The following ETS1 variants were observed in gnomAD, a reference collection of about 807,000 sequenced individuals.
ETS1 encodes the protein protein C-ets-1.
In ETS1, 15 loss-of-function variants were observed where a neutral mutation model predicts 58.6. That is an observed-to-expected ratio of 0.26 (90% CI 0.17 to 0.39). ETS1 has a LOEUF of 0.39. Among genes scored for constraint, ETS1 ranks in the 10% least tolerant of loss-of-function variants. The probability of loss-of-function intolerance (pLI) is 1.00; values close to 1 mark genes in which losing one functional copy is unlikely to be tolerated. For missense variants in ETS1, 417 were observed against 610.5 expected (o/e 0.68, Z 3.34); for synonymous variants, 214 against 218.2 (o/e 0.98, Z 0.17).
At chr11:128,517,773 G>C (rs1420500603) in intron 3 of ETS1, among the ~76,000 whole-genome samples, 1 of 152,174 alleles carries the variant, frequency 6.6e-6, no homozygotes, top group East Asian at 1.9e-4. Flanking sequence ...AGCCCAGAGA[G>C]ACCTGGGCTC....
At chr11:128,546,047 A>G (rs4129229) in intron 3 of ETS1, among the ~76,000 whole-genome samples, 9 of 152,018 alleles carry the variant, frequency 5.9e-5, no homozygotes, top group Non-Finnish European at 1.0e-4. Flanking sequence ...CCAAAATTCA[A>G]CCAGTGAACA....
At position 128,549,777 on chromosome 11, in the gene ETS1, G is replaced by A. The variant is rs1234035166; in HGVS notation, c.214+6514C>T. ...TCGGGGCTGTTGGGGTCACTCCTGA[G>A]AGCATGGGGTCTCTGGTCTCTAACC... On this transcript the variant is annotated intron_variant, in intron 3 of 9. Transcript: ENST00000392668. This position sits in a 1 kb window ranked among gnomAD's most constrained non-coding sequence, Gnocchi z 4.3. 6.6e-6 allele frequency among the ~76,000 whole-genome samples: 1 copy of A among 152,166 alleles called. No homozygotes were observed. Among genetic ancestry groups the A allele is most frequent in the Non-Finnish European group, 1.5e-5 (1 of 68,044 alleles).
At chr11:128,475,802 C>T (rs199539536) in intron 8 of ETS1, among the ~76,000 whole-genome samples, 17 of 152,220 alleles carry the variant, frequency 1.1e-4, no homozygotes, top group African/African-American at 4.1e-4. Context: ...CTGCCTGCCT[C>T]TGCCTCCCAA....
intron 6 of ETS1, among the ~76,000 whole-genome samples, chr11:128,485,657 C>G (rs1862609384): frequency 6.6e-6 from 1 of 152,176 alleles, no homozygotes; most frequent in African/African-American, 2.4e-5. Flanking sequence ...GCATAGCACA[C>G]TCTTAAAGAA....
At chr11:128,530,955 T>A (rs1211631809) in intron 3 of ETS1, among the ~76,000 whole-genome samples, 1 of 152,184 alleles carries the variant, frequency 6.6e-6, no homozygotes, top group Non-Finnish European at 1.5e-5. Flanking sequence ...CTACAGAGTG[T>A]ATTTGTCTAA....
intron 3 of ETS1, among the ~76,000 whole-genome samples, chr11:128,541,859 T>C (rs1864062657): frequency 3.9e-5 from 6 of 152,160 alleles, no homozygotes; most frequent in Admixed American, 3.9e-4. Flanking sequence ...ATCTCTACAA[T>C]ACAGGTATTC....
chr11:128,566,494 C>G (rs1287992856), intron 2 of ETS1, among the ~76,000 whole-genome samples: 1 of 152,092 alleles, frequency 6.6e-6, no homozygotes, highest in Non-Finnish European at 1.5e-5. Context: ...CTAAAGAGTA[C>G]CAGACAGGGC....
chr11:128,497,269 G>A (rs560410193), intron 3 of ETS1, among the ~76,000 whole-genome samples: 144 of 152,242 alleles, frequency 9.5e-4, no homozygotes, highest in Non-Finnish European at 1.7e-3. Context: ...CAGTCACTAG[G>A]GAAAGCACGC....
At chr11:128,471,055 C>T (rs909495909) in intron 8 of ETS1, among the ~76,000 whole-genome samples, 1 of 152,136 alleles carries the variant, frequency 6.6e-6, no homozygotes, top group Non-Finnish European at 1.5e-5. Context: ...TATTCATGTC[C>T]CTCACCAAGT....
At position 128,549,177 on chromosome 11, in the gene ETS1, G is replaced by A. The variant is rs1292057972; in HGVS notation, c.214+7114C>T. On this transcript the variant is annotated intron_variant, in intron 3 of 9. Transcript: ENST00000392668. This position sits in a 1 kb window ranked among gnomAD's most constrained non-coding sequence, Gnocchi z 4.3. ...TAAACACAGTGAACATCTGGAGAGA[G>A]AGCCCGTGTCTCTAGGCGGCCAGAC... is the stretch of plus-strand genomic sequence containing the variant. 6.6e-6 allele frequency among the ~76,000 whole-genome samples: 1 copy of A among 152,198 alleles called. No individual in the cohort carries two copies. Among genetic ancestry groups the A allele is most frequent in the Non-Finnish European group, 1.5e-5 (1 of 68,024 alleles).
chr11:128,500,362 T>G (rs1195706446), intron 3 of ETS1, among the ~76,000 whole-genome samples: 4 of 152,220 alleles, frequency 2.6e-5, no homozygotes, highest in African/African-American at 9.6e-5. Flanking sequence ...TCATCAATTT[T>G]GAAAGGAAAT....
Position 128,507,222 on chromosome 11 carries a change from C to T in ETS1, c.215-16646G>A, listed in dbSNP as rs539837272. Among the ~76,000 whole-genome samples, 3 of 152,228 alleles carry T rather than the reference C, an allele frequency of 2.0e-5. No homozygotes were observed. The East Asian group carries it at 5.8e-4, about 29-fold the overall frequency. On this transcript the variant is annotated intron_variant, in intron 3 of 9. Coordinates refer to ENST00000392668, the MANE Select transcript of ETS1 (RefSeq NM_001143820.2). ...TTCCCTGGCCCTGACTCAGATCGAG[C>T]CGGGCTCCACCCTCCATGAGTAAAT...
At chr11:128,515,323 G>A (rs1247114953) in intron 3 of ETS1, among the ~76,000 whole-genome samples, 3 of 151,940 alleles carry the variant, frequency 2.0e-5, no homozygotes, top group Non-Finnish European at 4.4e-5. Flanking sequence ...ACAGAACCTT[G>A]CAAAGCAAAA....
At chr11:128,552,626 A>T (rs184030666) in intron 3 of ETS1, among the ~76,000 whole-genome samples, 1 of 152,362 alleles carries the variant, frequency 6.6e-6, no homozygotes, top group Non-Finnish European at 1.5e-5. Context: ...AGTGCTAAGT[A>T]AGCATCGTAT....
chr11:128,465,943 C>T (rs1289022993), intron 8 of ETS1, among the ~76,000 whole-genome samples: 1 of 152,226 alleles, frequency 6.6e-6, no homozygotes, highest in Non-Finnish European at 1.5e-5. Context: ...TGCAGCCCAT[C>T]CCCAGGTTCT....
chr11:128,559,018 T>A (rs902893997), intron 2 of ETS1, among the ~76,000 whole-genome samples: 7 of 152,222 alleles, frequency 4.6e-5, no homozygotes, highest in African/African-American at 1.7e-4. Flanking sequence ...CTGTGAAGAA[T>A]TCTAAGTTAC....
chr11:128,480,164 T>TG, intron 8 of ETS1, 27 bp downstream of exon 8: 20 of 1,609,994 alleles, frequency 1.2e-5, no homozygotes, highest in Non-Finnish European at 1.7e-5. Flanking sequence ...CAGATGGAGT[T>TG]GGCCTAAGCA....
chr11:128,525,172 A>G (rs2135524373), intron 3 of ETS1, among the ~76,000 whole-genome samples: 1 of 152,226 alleles, frequency 6.6e-6, no homozygotes, highest in East Asian at 1.9e-4. Context: ...CAAGTGCTGA[A>G]TTGCCTTACA....
At chr11:128,545,999 T>C (rs1276753057) in intron 3 of ETS1, among the ~76,000 whole-genome samples, 1 of 152,238 alleles carries the variant, frequency 6.6e-6, no homozygotes, top group Non-Finnish European at 1.5e-5. Flanking sequence ...CCCACAGGCA[T>C]TTCTGTCTCA....
Sources: allele counts gnomAD v4.1 joint callset (sites outside exome capture counted in the v4.1 genomes callset), GRCh38; gene constraint gnomAD v4.1.1; non-coding constraint Gnocchi (gnomAD v3.1); transcripts MANE v1.5; gene names NCBI Gene and HGNC (gene_info 2026-07-23, HGNC 2026-07-21).